Variants in FER observed in about 807,000 individuals in gnomAD.
The protein encoded by FER is FER tyrosine kinase.
A neutral mutation model predicts 111.0 loss-of-function variants in FER; 63 were observed. The observed-to-expected ratio is 0.57, with a 90% confidence interval of 0.46 to 0.70. FER has a LOEUF of 0.70. Among genes scored for constraint, FER ranks in the 30% least tolerant of loss-of-function variants. The pLI is 0.00. For missense variants in FER, 914 were observed against 954.0 expected (o/e 0.96, Z 0.55); for synonymous variants, 327 against 313.9 (o/e 1.04, Z -0.44).
chr5:108,771,878 A>C (rs1752934592), intron 2 of FER, among the ~76,000 whole-genome samples: 3 of 152,242 alleles, frequency 2.0e-5, no homozygotes, highest in African/African-American at 4.8e-5. Flanking sequence ...AAATAACCAT[A>C]ACATTAAGAA....
intron 16 of FER, among the ~76,000 whole-genome samples, chr5:109,079,492 A>G (rs1286112477): frequency 6.6e-6 from 1 of 152,186 alleles, no homozygotes; most frequent in African/African-American, 2.4e-5. Flanking sequence ...GTGCCATATT[A>G]GACCATATTT....
chr5:109,092,897 A>G (rs189265968), intron 16 of FER, among the ~76,000 whole-genome samples: 86 of 152,284 alleles, frequency 5.6e-4, no homozygotes, highest in African/African-American at 2.0e-3. Flanking sequence ...AAAATGGGGT[A>G]TATATATAAA....
chr5:108,818,668 G>A (rs75749173), intron 3 of FER, among the ~76,000 whole-genome samples: 6,140 of 152,128 alleles, frequency 0.04, 181 homozygotes, highest in South Asian at 0.11. Context: ...GAGATATTGG[G>A]GCGGTTAGAT....
chr5:108,848,087 C>T (rs1266737486), intron 5 of FER, among the ~76,000 whole-genome samples: 1 of 152,078 alleles, frequency 6.6e-6, no homozygotes, highest in Non-Finnish European at 1.5e-5. Flanking sequence ...GCCATCTTCC[C>T]TAGGCTAATC....
chr5:108,908,699 C>T (rs1751132332), intron 10 of FER, among the ~76,000 whole-genome samples: 3 of 141,010 alleles, frequency 2.1e-5, no homozygotes, highest in Non-Finnish European at 4.5e-5. Context: ...CTAGCCTGGG[C>T]GAGTGAGCGA....
intron 3 of FER, chr5:108,819,890 G>A (rs577776088): frequency 6.1e-6 from 6 of 985,322 alleles, no homozygotes; most frequent in Non-Finnish European, 7.2e-6. Context: ...AGATAGATAA[G>A]GCAGTAGATG....
At chr5:108,934,430 A>G (rs1250476251) in intron 10 of FER, among the ~76,000 whole-genome samples, 1 of 152,200 alleles carries the variant, frequency 6.6e-6, no homozygotes, top group African/African-American at 2.4e-5. Context: ...ATTATGGCCC[A>G]GTAATTTTCA....
intron 10 of FER, among the ~76,000 whole-genome samples, chr5:108,928,147 A>G (rs1425743887): frequency 1.3e-5 from 2 of 152,224 alleles, no homozygotes; most frequent in African/African-American, 2.4e-5. Context: ...TTCCTTTTTT[A>G]GAAGGTGCTT....
At chr5:108,847,364 G>C (rs997146265) in intron 5 of FER, among the ~76,000 whole-genome samples, 1 of 151,660 alleles carries the variant, frequency 6.6e-6, no homozygotes, top group Non-Finnish European at 1.5e-5. Context: ...TTTCGTTGTG[G>C]TCTGAGAATG....
At chr5:108,909,076 G>C (rs1751194179) in intron 10 of FER, among the ~76,000 whole-genome samples, 1 of 152,156 alleles carries the variant, frequency 6.6e-6, no homozygotes, top group African/African-American at 2.4e-5. Flanking sequence ...CTATCTGGCG[G>C]CTTAATTGTG....
At chr5:108,819,997 G>A in intron 3 of FER, 1 of 985,238 alleles carries the variant, frequency 1.0e-6, no homozygotes, top group African/African-American at 1.7e-5. Context: ...GGAACTACAG[G>A]AAATAGAAAA....
intron 10 of FER, among the ~76,000 whole-genome samples, chr5:108,928,743 A>G (rs1160065503): frequency 6.6e-6 from 1 of 151,356 alleles, no homozygotes; most frequent in African/African-American, 2.5e-5. Context: ...ATATATGTAC[A>G]TATACATATA....
chr5:109,177,737 A>G (rs1361893668), intron 17 of FER: 1 of 152,224 alleles, frequency 6.6e-6, no homozygotes, highest in East Asian at 1.9e-4. Flanking sequence ...TTCAAATAAG[A>G]TTACTCGGCA....
chr5:108,917,653 G>T (rs1752440545), intron 10 of FER, among the ~76,000 whole-genome samples: 1 of 152,184 alleles, frequency 6.6e-6, no homozygotes, highest in Non-Finnish European at 1.5e-5. Context: ...CACAAGGGAA[G>T]CTTCTTGTTT....
intron 1 of FER, among the ~76,000 whole-genome samples, chr5:108,763,184 C>T (rs1236552445): frequency 1.3e-5 from 2 of 152,142 alleles, no homozygotes; most frequent in Non-Finnish European, 2.9e-5. Context: ...CGTTGCCTCA[C>T]GTAACCATTA....
intron 17 of FER, among the ~76,000 whole-genome samples, chr5:109,107,155 C>T (rs532703816): frequency 6.0e-4 from 92 of 152,292 alleles, no homozygotes; most frequent in African/African-American, 1.9e-3. Flanking sequence ...GCTGATGTCT[C>T]ATATTCTTCC....
chr5:108,824,076 G>A (rs1759183983), intron 3 of FER, among the ~76,000 whole-genome samples: 1 of 152,074 alleles, frequency 6.6e-6, no homozygotes, highest in East Asian at 1.9e-4. Context: ...TGTCAAAGAT[G>A]AGTTGATTGT....
intron 13 of FER, among the ~76,000 whole-genome samples, chr5:109,004,614 G>A (rs759856094): frequency 3.9e-5 from 6 of 152,088 alleles, no homozygotes; most frequent in Non-Finnish European, 8.8e-5. Context: ...CCACAAAACA[G>A]CATGACCACA....
intron 13 of FER, among the ~76,000 whole-genome samples, chr5:109,007,718 C>T (rs1231006011): frequency 6.6e-6 from 1 of 152,132 alleles, no homozygotes; most frequent in African/African-American, 2.4e-5. Context: ...AAACTATAAA[C>T]ATTCATTTAA....
Sources: gnomAD v4.1 joint callset for allele counts (sites outside exome capture counted in the v4.1 genomes callset) on GRCh38, gnomAD v4.1.1 for gene constraint, MANE v1.5 for transcripts, NCBI Gene and HGNC (gene_info 2026-07-23, HGNC 2026-07-21) for gene names.